KDM4B: variants seen among roughly 807,000 people sequenced by gnomAD.
KDM4B encodes lysine-specific demethylase 4B.
KDM4B carries 32 observed loss-of-function variants against 125.2 expected under a neutral mutation model. That is an observed-to-expected ratio of 0.26 (90% CI 0.19 to 0.34). The LOEUF is 0.34. Ranked by LOEUF, KDM4B falls within the 10% of genes least tolerant of loss-of-function variation. The pLI is 1.00. For synonymous variants in KDM4B, 721 were observed against 677.9 expected, an observed-to-expected ratio of 1.06 and a Z score of -0.99; for missense variants, 1,190 against 1,577.7, an observed-to-expected ratio of 0.75 and a Z score of 4.16.
At chr19:5,089,721 A>T (rs920171385) in intron 9 of KDM4B, among the ~76,000 whole-genome samples, 14 of 150,452 alleles carry the variant, frequency 9.3e-5, no homozygotes, top group Non-Finnish European at 4.4e-5. Flanking sequence ...AAACCCACAT[A>T]CTCCTCTTTC....
chr19:5,093,108 C>T (rs1245767218), intron 9 of KDM4B, among the ~76,000 whole-genome samples: 1 of 152,196 alleles, frequency 6.6e-6, no homozygotes. Context: ...TGGGTGGTGC[C>T]TGGCACAGAA....
At chr19:5,050,101 G>C (rs1181942665) in intron 6 of KDM4B, among the ~76,000 whole-genome samples, 16 of 152,234 alleles carry the variant, frequency 1.1e-4, no homozygotes, top group Admixed American at 9.8e-4. Flanking sequence ...TGTTCCGCTT[G>C]CATCTGCAGC....
At chr19:5,027,400 C>T (rs531290856) in intron 2 of KDM4B, among the ~76,000 whole-genome samples, 6 of 152,254 alleles carry the variant, frequency 3.9e-5, no homozygotes, top group African/African-American at 1.2e-4. Flanking sequence ...ATGAAGCTGC[C>T]GTTTGCATGG....
At chr19:5,027,401 G>T (rs752856149) in intron 2 of KDM4B, among the ~76,000 whole-genome samples, 4 of 152,208 alleles carry the variant, frequency 2.6e-5, no homozygotes, top group Middle Eastern at 3.2e-3. Flanking sequence ...TGAAGCTGCC[G>T]TTTGCATGGC....
At chr19:4,977,050 AT>A (rs1469638620) in intron 1 of KDM4B, among the ~76,000 whole-genome samples, 2 of 135,878 alleles carry the variant, frequency 1.5e-5, no homozygotes, top group Non-Finnish European at 3.2e-5. Context: ...TTTTTTTTTT[AT>A]TTTTGCTTGC....
intron 5 of KDM4B, among the ~76,000 whole-genome samples, chr19:5,044,034 G>T (rs375437507): frequency 2.6e-5 from 2 of 76,796 alleles, no homozygotes; most frequent in Admixed American, 1.4e-4. Context: ...CTTATCCCAC[G>T]CGGTGTTTAT....
chr19:5,017,010 G>A (rs927919148), intron 2 of KDM4B, among the ~76,000 whole-genome samples: 2 of 152,226 alleles, frequency 1.3e-5, no homozygotes, highest in Non-Finnish European at 1.5e-5. Context: ...CTCCCGTCAA[G>A]GCAGAGGTGG....
intron 2 of KDM4B, among the ~76,000 whole-genome samples, chr19:5,030,094 C>T (rs1460711012): frequency 1.3e-5 from 2 of 152,154 alleles, no homozygotes. Flanking sequence ...GTGGGGAGCC[C>T]CCCTTTTTAT....
In KDM4B at chr19:5,142,979, T is replaced by G. The variant is rs1238878854; in HGVS notation, c.2551-988T>G. Among the ~76,000 whole-genome samples, 1 of 151,948 alleles carries G rather than the reference T, an allele frequency of 6.6e-6. No homozygotes were observed. Among genetic ancestry groups the G allele is most frequent in the Non-Finnish European group, 1.5e-5 (1 of 67,974 alleles). ...GGAGCCTCAAGGGATGAAAGGTGGC[T>G]CTCCGGTGCTCCCTCCTCACCAAGG... On this transcript the variant is annotated intron_variant, in intron 18 of 22. Coordinates refer to ENST00000159111, the MANE Select transcript of KDM4B (RefSeq NM_015015.3). This position sits in a 1 kb window ranked among gnomAD's most constrained non-coding sequence, Gnocchi z 5.4.
intron 1 of KDM4B, among the ~76,000 whole-genome samples, chr19:5,012,040 G>A (rs772753179): frequency 3.3e-5 from 5 of 152,224 alleles, no homozygotes; most frequent in Non-Finnish European, 5.9e-5. Flanking sequence ...GTTTGGGGGC[G>A]TTGTCGTCCG....
chr19:5,125,021 T>C (rs534291608), intron 11 of KDM4B, among the ~76,000 whole-genome samples: 8 of 152,186 alleles, frequency 5.3e-5, no homozygotes, highest in Non-Finnish European at 1.2e-4. Flanking sequence ...CACCTCAGCC[T>C]CCTCAGTAGC....
Position 5,116,744 on chromosome 19 carries a change from T to C in KDM4B, c.1116-2909T>C, listed in dbSNP as rs142797108. On this transcript the variant is annotated intron_variant, in intron 10 of 22. Transcript: ENST00000159111. ...CAGACCCCAGGGTGGGGGCAGGGAA[T>C]GCGGCCCGAGTTGCTCTGTGGCTCA... 1.4e-3 allele frequency among the ~76,000 whole-genome samples: 217 copies of C among 152,208 alleles called. 1 individual carries two copies. Among genetic ancestry groups the C allele is most frequent in the Non-Finnish European group, 2.6e-3 (176 of 67,984 alleles).
At chr19:4,990,029 C>A (rs1052294296) in intron 1 of KDM4B, among the ~76,000 whole-genome samples, 4 of 152,136 alleles carry the variant, frequency 2.6e-5, no homozygotes, top group Non-Finnish European at 5.9e-5. Flanking sequence ...GTGGCTTATG[C>A]CTGTCATCCA....
At chr19:4,979,378 C>T (rs997622175) in intron 1 of KDM4B, among the ~76,000 whole-genome samples, 1 of 152,206 alleles carries the variant, frequency 6.6e-6, no homozygotes. Flanking sequence ...AGAGCCTTGT[C>T]CATTGTGGGA....
intron 1 of KDM4B, among the ~76,000 whole-genome samples, chr19:5,013,952 A>G (rs1022736669): frequency 6.6e-6 from 1 of 152,238 alleles, no homozygotes; most frequent in African/African-American, 2.4e-5. Context: ...TTGGCCGCTC[A>G]TCTGGCACAG....
At position 4,976,606 on chromosome 19, in the gene KDM4B, TC is replaced by T. The variant is rs368697327; in HGVS notation, c.-109+7377del. Among the ~76,000 whole-genome samples, 44 of 152,368 alleles carry T rather than the reference TC, an allele frequency of 2.9e-4. No homozygotes were observed. The South Asian group carries it at 8.3e-3, about 29-fold the overall frequency. ...TGTTTTGTAAGCATCGGAACTCTCC[TC>T]GTTACCAGTGCTAGCGCCCCCGATG... On this transcript the variant is annotated intron_variant, in intron 1 of 22. Transcript: ENST00000159111.
At chr19:5,070,834 A>C (rs1229629706) in intron 6 of KDM4B, 176 bp from the exon 7 acceptor site, 7 of 541,662 alleles carry the variant, frequency 1.3e-5, no homozygotes, top group African/African-American at 7.8e-5. Flanking sequence ...TTCCTTACGG[A>C]TTCCGTCCTG....
At chr19:5,019,374 A>G (rs111163840) in intron 2 of KDM4B, among the ~76,000 whole-genome samples, 49,839 of 95,344 alleles carry the variant, frequency 0.52, 10,075 homozygotes, top group East Asian at 0.76. Context: ...TGGTGTGGAC[A>G]TTGGTGTGCA....
In KDM4B at chr19:5,141,500, A is replaced by C. The variant is rs538116338; in HGVS notation, c.2551-2467A>C. ...AACGATGAATTAAAAATCCTTTTACACGAGGCCCGCTTGTACTGCTTAATG... is the reference window on the plus strand; with the variant it reads ...AACGATGAATTAAAAATCCTTTTACCCGAGGCCCGCTTGTACTGCTTAATG... On this transcript the variant is annotated intron_variant, in intron 18 of 22. Transcript: ENST00000159111. This position sits in a 1 kb window ranked among gnomAD's most constrained non-coding sequence, Gnocchi z 6.4. The C allele has an allele frequency of 6.6e-6, 1 of 152,222 alleles. No homozygotes were observed. Among genetic ancestry groups the C allele is most frequent in the East Asian group, 1.9e-4 (1 of 5,170 alleles). The allele number at this position is 152,222 out of a possible 1,614,324, so 9.4% of individuals were successfully genotyped here. A position where few individuals can be genotyped will look rare whatever the true frequency, so the allele number is the denominator to read the frequency against.
Sources: allele counts gnomAD v4.1 joint callset (sites outside exome capture counted in the v4.1 genomes callset), GRCh38; gene constraint gnomAD v4.1.1; non-coding constraint Gnocchi (gnomAD v3.1); transcripts MANE v1.5; gene names NCBI Gene and HGNC (gene_info 2026-07-23, HGNC 2026-07-21).